CNTNAP2: variants seen among roughly 807,000 people sequenced by gnomAD.
The protein encoded by CNTNAP2 is contactin-associated protein-like 2.
In CNTNAP2, 98 loss-of-function variants were observed where a neutral mutation model predicts 155.2. The observed-to-expected ratio is 0.63, with a 90% CI of 0.54 to 0.75. CNTNAP2 has a LOEUF of 0.75. Ranked by LOEUF, CNTNAP2 falls within the 30% of genes least tolerant of loss-of-function variation. The pLI, the probability that CNTNAP2 is intolerant of heterozygous loss-of-function variation, is 0.00. For missense variants in CNTNAP2, 1,727 were observed against 1,688.1 expected, an observed-to-expected ratio of 1.02 and a Z score of -0.40; for synonymous variants, 651 against 631.2, an observed-to-expected ratio of 1.03 and a Z score of -0.47.
At chr7:146,732,764 T>C (rs1801547889) in intron 1 of CNTNAP2, among the ~76,000 whole-genome samples, 1 of 152,156 alleles carries the variant, frequency 6.6e-6, no homozygotes, top group Non-Finnish European at 1.5e-5. Flanking sequence ...TGGCATAGTA[T>C]TTTCTATAAC....
chr7:147,073,265 C>A (rs1005127938), intron 4 of CNTNAP2, among the ~76,000 whole-genome samples: 1 of 148,186 alleles, frequency 6.7e-6, no homozygotes, highest in Non-Finnish European at 1.5e-5. Flanking sequence ...TGCAGGGACA[C>A]GGATGAAACT....
chr7:148,389,015 A>G lies in CNTNAP2; in HGVS notation c.3715+5127A>G, dbSNP rs1039574716. On this transcript the variant is annotated intron_variant, in intron 22 of 23. Transcript: ENST00000361727. ...ACCCACTTGAGGAGGCAGTCTGCCC[A>G]TTCTCAGATCTCCAGCTGCGTGCTG... 1.1e-4 allele frequency among the ~76,000 whole-genome samples: 17 copies of G among 152,126 alleles called. 1 individual carries two copies.
intron 8 of CNTNAP2, among the ~76,000 whole-genome samples, chr7:147,147,020 G>T (rs1399535857): frequency 6.6e-6 from 1 of 152,104 alleles, no homozygotes; most frequent in African/African-American, 2.4e-5. Flanking sequence ...TCAGAGACTG[G>T]GTAATTCATA....
intron 10 of CNTNAP2, among the ~76,000 whole-genome samples, chr7:147,430,276 C>T (rs1482912360): frequency 6.6e-6 from 1 of 152,280 alleles, no homozygotes; most frequent in African/African-American, 2.4e-5. Context: ...TCTATGAGGT[C>T]ACAGCCTAGG....
chr7:146,825,260 A>T (rs1404564290), intron 2 of CNTNAP2, among the ~76,000 whole-genome samples: 3 of 152,108 alleles, frequency 2.0e-5, no homozygotes, highest in Admixed American at 2.0e-4. Flanking sequence ...AACAGATACG[A>T]TAGTTACAGT....
In CNTNAP2 at chr7:147,790,681, A is replaced by G. The variant is rs1454022837; in HGVS notation, c.2099-112884A>G. 2.6e-5 allele frequency among the ~76,000 whole-genome samples: 4 copies of G among 152,164 alleles called. No homozygotes were observed. The East Asian group carries it at 7.7e-4, about 29-fold the overall frequency. On this transcript the variant is annotated intron_variant, in intron 13 of 23. Transcript: ENST00000361727. ...ATTCAATATTCGCCATCATTTCTCT[A>G]CTGTGTCTTCCTTATCCATCTCATG...
intron 13 of CNTNAP2, among the ~76,000 whole-genome samples, chr7:147,891,159 A>G (rs982162733): frequency 7.9e-5 from 12 of 152,188 alleles, no homozygotes; most frequent in African/African-American, 2.9e-4. Flanking sequence ...AAGCAGGAAT[A>G]AATGAACAAG....
At chr7:147,727,045 A>C (rs1796655733) in intron 13 of CNTNAP2, among the ~76,000 whole-genome samples, 1 of 150,138 alleles carries the variant, frequency 6.7e-6, no homozygotes, top group South Asian at 2.1e-4. Context: ...ATATATGTCC[A>C]ACCTCAACAA....
In CNTNAP2 at chr7:146,999,261, C is replaced by A. The variant is rs540012709; in HGVS notation, c.403-44646C>A. Among the ~76,000 whole-genome samples, 24 of 142,444 alleles carry A rather than the reference C, an allele frequency of 1.7e-4. 1 individual carries two copies. In the South Asian group the frequency reaches 5.1e-3, roughly 30 times the overall value. The allele number at this position is 142,444 out of a possible 152,430, so 93.4% of individuals were successfully genotyped here. A position where few individuals can be genotyped will look rare whatever the true frequency, so the allele number is the denominator to read the frequency against. ...TTGATTGCAAAAAAAAAAAAAAAGA[C>A]AAAGCAAAAGCAAAAATGTTTACAT... is the stretch of plus-strand genomic sequence containing the variant. On this transcript the variant is annotated intron_variant, in intron 3 of 23. Coordinates refer to ENST00000361727, the MANE Select transcript of CNTNAP2 (RefSeq NM_014141.6).
chr7:146,867,692 T>G (rs1795232084), intron 3 of CNTNAP2, among the ~76,000 whole-genome samples: 1 of 152,064 alleles, frequency 6.6e-6, no homozygotes, highest in Admixed American at 6.6e-5. Flanking sequence ...TTATTTTATT[T>G]ACTTTTTCAT....
rs1804372961 is a variant in CNTNAP2 at position 148,112,435 on chromosome 7, A to C, written c.2384-5683A>C. ...TTTTAGTATTATTATTATTATTATT[A>C]TTATTATTATAGTGTCTTACTGTTG... On this transcript the variant is annotated intron_variant, in intron 15 of 23. Coordinates refer to ENST00000361727, the MANE Select transcript of CNTNAP2 (RefSeq NM_014141.6). Among the ~76,000 whole-genome samples the C allele has an allele frequency of 4.0e-5, 6 of 151,330 alleles. 1 individual carries two copies. In the South Asian group the frequency reaches 1.3e-3, roughly 32 times the overall value.
chr7:146,879,446 T>G (rs1462586437), intron 3 of CNTNAP2, among the ~76,000 whole-genome samples: 2 of 152,116 alleles, frequency 1.3e-5, no homozygotes, highest in Admixed American at 1.3e-4. Context: ...ATTGTTCTCT[T>G]TTCTATTAAT....
chr7:146,644,782 A>T (rs1389335457), intron 1 of CNTNAP2, among the ~76,000 whole-genome samples: 1 of 152,166 alleles, frequency 6.6e-6, no homozygotes, highest in Non-Finnish European at 1.5e-5. Context: ...CTAAACCAGG[A>T]AGAAGTTGAC....
intron 1 of CNTNAP2, among the ~76,000 whole-genome samples, chr7:146,442,654 AT>A (rs1796336853): frequency 6.6e-6 from 1 of 152,128 alleles, no homozygotes; most frequent in South Asian, 2.1e-4. Flanking sequence ...AGAAGGAGCT[AT>A]TGATCGTGAC....
intron 10 of CNTNAP2, among the ~76,000 whole-genome samples, chr7:147,480,533 A>T (rs1156841199): frequency 6.6e-6 from 1 of 152,266 alleles, no homozygotes; most frequent in Non-Finnish European, 1.5e-5. Flanking sequence ...TATGAATTAT[A>T]TGAAGTCTAC....
chr7:146,987,068 T>C (rs528350843), intron 3 of CNTNAP2, among the ~76,000 whole-genome samples: 47 of 152,320 alleles, frequency 3.1e-4, no homozygotes, highest in African/African-American at 1.1e-3. Context: ...ACAAAGAACC[T>C]GGAACACAGG....
intron 1 of CNTNAP2, among the ~76,000 whole-genome samples, chr7:146,151,700 A>ATATATATATATATG (rs1562969130): frequency 1.7e-5 from 1 of 57,562 alleles, no homozygotes; most frequent in African/African-American, 1.0e-4. Flanking sequence ...ATATATATGT[A>ATATATATATATATG]TATATATATA....
chr7:147,527,015 C>CTTTTTTTTTTT (rs888976222), intron 11 of CNTNAP2, among the ~76,000 whole-genome samples: 4 of 65,168 alleles, frequency 6.1e-5, no homozygotes, highest in African/African-American at 3.1e-4. Flanking sequence ...ACAGGCATTT[C>CTTTTTTTTTTT]TTTTTTTTTT....
intron 22 of CNTNAP2, among the ~76,000 whole-genome samples, chr7:148,386,389 G>C (rs745534379): frequency 1.3e-5 from 2 of 152,084 alleles, no homozygotes; most frequent in African/African-American, 2.4e-5. Flanking sequence ...TTAGCTGGGC[G>C]TGGTGGCGCA....
Sources: allele counts gnomAD v4.1 joint callset (sites outside exome capture counted in the v4.1 genomes callset), GRCh38; gene constraint gnomAD v4.1.1; transcripts MANE v1.5; gene names NCBI Gene and HGNC (gene_info 2026-07-23, HGNC 2026-07-21).